The following SLTM variants were observed in gnomAD, a reference collection of about 807,000 sequenced individuals.
The protein encoded by SLTM is SAFB like transcription modulator.
SLTM carries 43 observed loss-of-function variants against 134.6 expected under a neutral mutation model. The ratio of observed to expected loss-of-function variants is 0.32; its 90% CI spans 0.25 to 0.41. SLTM has a LOEUF of 0.41. Among genes scored for constraint, SLTM ranks in the 10% least tolerant of loss-of-function variants. The pLI is 1.00. For synonymous variants in SLTM, 424 were observed against 432.3 expected (o/e 0.98, Z 0.24); for missense variants, 1,055 against 1,288.8 (o/e 0.82, Z 2.78).
chr15:58,926,781 T>C (rs1308189421), intron 2 of SLTM, among the ~76,000 whole-genome samples: 1 of 151,936 alleles, frequency 6.6e-6, no homozygotes, highest in African/African-American at 2.4e-5. Context: ...ACCTGGCTAA[T>C]TTTTGTATTT....
Position 58,912,543 on chromosome 15 carries a change from AG to A in SLTM, c.561+19del, listed in dbSNP as rs759317493. The A allele has an allele frequency of 1.9e-6, 3 of 1,606,490 alleles. No homozygotes were observed. The highest frequency in any genetic ancestry group is 1.1e-5 in the South Asian group (1 of 90,794). On this transcript the variant is annotated intron_variant, in intron 5 of 20. Transcript: ENST00000380516. Reference sequence around the variant, plus strand: ...CGTCCACCCACAATATCGAATTCATAGGACTAAATGTAAACTTACTTGGGCT... The same window carrying A: ...CGTCCACCCACAATATCGAATTCATAGACTAAATGTAAACTTACTTGGGCT...
chr15:58,880,439 A>G (rs2033603462), intron 20 of SLTM, among the ~76,000 whole-genome samples: 1 of 152,218 alleles, frequency 6.6e-6, no homozygotes, highest in Non-Finnish European at 1.5e-5. Flanking sequence ...CCAAACCAGC[A>G]GCAGCAGCAC....
intron 2 of SLTM, among the ~76,000 whole-genome samples, chr15:58,931,096 G>A (rs1313809906): frequency 6.6e-6 from 1 of 152,012 alleles, no homozygotes; most frequent in African/African-American, 2.4e-5. Context: ...AATTTCTATC[G>A]TTTTCCATTT....
At chr15:58,932,048 CAT>C (rs35519327) in intron 2 of SLTM, 14,506 of 202,046 alleles carry the variant, frequency 0.072, 679 homozygotes, top group Non-Finnish European at 0.1. Flanking sequence ...GCAAGGTAGA[CAT>C]GTGTTAAACT....
At chr15:58,895,141 T>G (rs2034988359) in intron 9 of SLTM, among the ~76,000 whole-genome samples, 1 of 152,194 alleles carries the variant, frequency 6.6e-6, no homozygotes, top group African/African-American at 2.4e-5. Context: ...AAACACAATC[T>G]CATCAATGAA....
chr15:58,913,451 A>T (rs1314118990), intron 4 of SLTM, 48 bp downstream of exon 4: 20 of 1,450,202 alleles, frequency 1.4e-5, no homozygotes, highest in Non-Finnish European at 1.9e-5. Context: ...TTTATTATTT[A>T]AAACTTAATT....
chr15:58,903,967 C>CT (rs1286047135), intron 5 of SLTM, among the ~76,000 whole-genome samples: 1 of 152,156 alleles, frequency 6.6e-6, no homozygotes, highest in African/African-American at 2.4e-5. Flanking sequence ...ATAATAATTT[C>CT]TTTTTTTAAG....
intron 14 of SLTM, among the ~76,000 whole-genome samples, chr15:58,892,212 T>A (rs1019713544): frequency 1.2e-4 from 18 of 152,194 alleles, no homozygotes; most frequent in Non-Finnish European, 5.9e-5. Flanking sequence ...CACAAGACTA[T>A]TTTAAGTGGC....
chr15:58,880,775 A>C (rs1382472441), intron 20 of SLTM, among the ~76,000 whole-genome samples: 1 of 151,946 alleles, frequency 6.6e-6, no homozygotes, highest in Non-Finnish European at 1.5e-5. Context: ...CATGTTGGCC[A>C]GGCTGGTCTT....
intron 2 of SLTM, among the ~76,000 whole-genome samples, chr15:58,931,370 G>A (rs1171740198): frequency 1.3e-5 from 2 of 152,182 alleles, no homozygotes; most frequent in African/African-American, 4.8e-5. Context: ...ATACCCAGGT[G>A]TGCTTAAGAT....
At chr15:58,904,442 G>A (rs1292775632) in intron 5 of SLTM, among the ~76,000 whole-genome samples, 7 of 152,028 alleles carry the variant, frequency 4.6e-5, no homozygotes, top group East Asian at 1.9e-4. Flanking sequence ...TAAAAAGCTC[G>A]GCCATAAGCT....
At chr15:58,894,739 C>A (rs1423043766) in intron 9 of SLTM, among the ~76,000 whole-genome samples, 157 bp from the exon 10 acceptor site, 1 of 139,996 alleles carries the variant, frequency 7.1e-6, no homozygotes, top group Admixed American at 7.8e-5. Context: ...GAGTCACACT[C>A]TGTCACGCAG....
chr15:58,883,511 G>C (rs1410032223), intron 20 of SLTM, 115 bp downstream of exon 20: 1 of 1,357,558 alleles, frequency 7.4e-7, no homozygotes, highest in Non-Finnish European at 1.0e-6. Flanking sequence ...GAAATGTTCA[G>C]GCAGATCTAG....
intron 2 of SLTM, among the ~76,000 whole-genome samples, chr15:58,931,304 A>T (rs955337027): frequency 9.9e-5 from 15 of 152,162 alleles, no homozygotes; most frequent in African/African-American, 2.4e-4. Flanking sequence ...TTTGGCACAA[A>T]CAGGGGACTC....
At chr15:58,883,352 G>A (rs1338331342) in intron 20 of SLTM, 1 of 328,064 alleles carries the variant, frequency 3.0e-6, no homozygotes, top group Non-Finnish European at 5.7e-6. Flanking sequence ...AGAATTCATT[G>A]TTTACTGGAT....
intron 5 of SLTM, among the ~76,000 whole-genome samples, chr15:58,903,540 C>T (rs2035638222): frequency 9.2e-6 from 1 of 109,276 alleles, no homozygotes; most frequent in Non-Finnish European, 1.8e-5. Context: ...GAATGTGCAT[C>T]TGACGGGGAG....
In SLTM at chr15:58,887,129, A is replaced by C; in HGVS notation, c.2691-10T>G. On this transcript the variant is annotated splice_polypyrimidine_tract_variant and intron_variant, in intron 18 of 20. Transcript: ENST00000380516. Reference sequence around the variant, plus strand: ...TTCTGGCCTTTCAACTCTGTTAAACAAAACATAAAAACATACATGATCAAA... The same window carrying C: ...TTCTGGCCTTTCAACTCTGTTAAACCAAACATAAAAACATACATGATCAAA... 1 of 1,613,884 alleles carries C rather than the reference A, an allele frequency of 6.2e-7. No individual in the cohort carries two copies. The highest frequency in any genetic ancestry group is 8.5e-7 in the Non-Finnish European group (1 of 1,179,874).
rs142856710 is a variant in SLTM, at chr15:58,930,879, T to G, written c.250+1477A>C. 3.4e-4 allele frequency among the ~76,000 whole-genome samples: 51 copies of G among 151,616 alleles called. 1 individual carries two copies. The South Asian group carries it at 8.9e-3, about 27-fold the overall frequency. On this transcript the variant is annotated intron_variant, in intron 2 of 20. Transcript: ENST00000380516. ...GATAAATGATGTTCCTAGTCAAAAC[T>G]GAAAAAGGGATATACAGAGAAATTA...
At chr15:58,913,427 A>C in intron 4 of SLTM, 72 bp downstream of exon 4, 1 of 1,270,306 alleles carries the variant, frequency 7.9e-7, no homozygotes, top group Non-Finnish European at 1.1e-6. Flanking sequence ...AAATTGAACT[A>C]GAAAAAAATA....
Sources: gnomAD v4.1 joint callset for allele counts (sites outside exome capture counted in the v4.1 genomes callset) on GRCh38, gnomAD v4.1.1 for gene constraint, MANE v1.5 for transcripts, NCBI Gene and HGNC (gene_info 2026-07-23, HGNC 2026-07-21) for gene names.